The following CCDC32 variants were observed in gnomAD, a reference collection of about 807,000 sequenced individuals.
CCDC32 encodes the protein coiled-coil domain-containing protein 32.
In CCDC32, 9 loss-of-function variants were observed where a neutral mutation model predicts 20.1. The observed-to-expected ratio is 0.45, with a 90% CI of 0.27 to 0.78. The LOEUF (loss-of-function observed/expected upper bound fraction) is 0.78. Ranked by LOEUF, CCDC32 falls within the 30% of genes least tolerant of loss-of-function variation. The pLI, the probability that CCDC32 is intolerant of heterozygous loss-of-function variation, is 0.16. For synonymous variants in CCDC32, 63 were observed against 79.0 expected (o/e 0.80, Z 1.07); for missense variants, 204 against 215.5 (o/e 0.95, Z 0.33).
chr15:40,529,410 A>C (rs1028606912), intron 3 of CCDC32, among the ~76,000 whole-genome samples: 1 of 152,218 alleles, frequency 6.6e-6, no homozygotes, highest in African/African-American at 2.4e-5. Flanking sequence ...GTTTATTCTT[A>C]GGAAATGCGT....
At chr15:40,529,112 A>G (rs1490873271) in intron 3 of CCDC32, among the ~76,000 whole-genome samples, 1 of 152,218 alleles carries the variant, frequency 6.6e-6, no homozygotes, top group Non-Finnish European at 1.5e-5. Flanking sequence ...GCCGCTCTGC[A>G]GGGGTGGCTT....
At chr15:40,528,708 G>A (rs921826352) in exon 4 of CCDC32, 3 of 700,144 alleles carry the variant, frequency 4.3e-6, no homozygotes, top group Non-Finnish European at 7.8e-6. Context: ...TGCAGGCCTT[G>A]TCCACAAGCG....
At chr15:40,562,735 G>C (rs1221554939) in intron 2 of CCDC32, 37 bp downstream of exon 2, 1 of 1,580,802 alleles carries the variant, frequency 6.3e-7, no homozygotes, top group Admixed American at 1.8e-5. Flanking sequence ...TGATGTAACA[G>C]AACTTCAATA....
chr15:40,524,757 T>C (rs997498483), downstream of CCDC32, among the ~76,000 whole-genome samples: 12 of 88,802 alleles, frequency 1.4e-4, no homozygotes, highest in East Asian at 2.7e-3. Context: ...TTTTTTTTTT[T>C]TTTTTTTTTT....
chr15:40,540,724 G>T (rs1595885803), intron 3 of CCDC32, among the ~76,000 whole-genome samples: 1 of 152,098 alleles, frequency 6.6e-6, no homozygotes, highest in South Asian at 2.1e-4. Flanking sequence ...CTCTGGGGCC[G>T]GGCCAGTCTC....
At chr15:40,543,338 TG>T (rs1889480786) in intron 3 of CCDC32, among the ~76,000 whole-genome samples, 1 of 152,174 alleles carries the variant, frequency 6.6e-6, no homozygotes, top group African/African-American at 2.4e-5. Context: ...AGGGCGGGCA[TG>T]GAAACCACCA....
chr15:40,527,939 AT>A (rs1894919801), downstream of CCDC32, among the ~76,000 whole-genome samples: 1 of 152,220 alleles, frequency 6.6e-6, no homozygotes, highest in Admixed American at 6.5e-5. Flanking sequence ...AGGTATCAAG[AT>A]TGTACCCATT....
At chr15:40,560,341 T>C (rs1003713133) in intron 2 of CCDC32, among the ~76,000 whole-genome samples, 4 of 152,084 alleles carry the variant, frequency 2.6e-5, no homozygotes, top group African/African-American at 9.7e-5. Flanking sequence ...ATCCCAAAAG[T>C]AAATGCAACA....
intron 3 of CCDC32, among the ~76,000 whole-genome samples, chr15:40,546,490 CA>C (rs1595887958): frequency 6.6e-6 from 1 of 151,588 alleles, no homozygotes; most frequent in African/African-American, 2.4e-5. Context: ...CGTCCAGCCC[CA>C]TTTCACTTTC....
intron 3 of CCDC32, chr15:40,528,891 C>G: frequency 3.1e-6 from 2 of 642,770 alleles, no homozygotes; most frequent in Non-Finnish European, 5.5e-6. Context: ...AGGACAGACT[C>G]GTGTCTAACC....
chr15:40,521,070 G>A, the CCDC32 span, among the ~76,000 whole-genome samples: 4 of 151,996 alleles, frequency 2.6e-5, no homozygotes, highest in Non-Finnish European at 5.9e-5. Context: ...TGTCATCTTC[G>A]CGTCGAGTAG....
intron 3 of CCDC32, chr15:40,529,482 G>A (rs1232643781): frequency 2.0e-5 from 3 of 152,186 alleles, no homozygotes; most frequent in Admixed American, 6.5e-5. Context: ...ATGTGGTAAC[G>A]TCAGTGAATC....
Position 40,553,446 on chromosome 15 carries a change from G to C in CCDC32, c.*525C>G. 7 of 985,970 alleles carry C rather than the reference G, an allele frequency of 7.1e-6. No individual in the cohort carries two copies. The highest frequency in any genetic ancestry group is 8.4e-6 in the Non-Finnish European group (7 of 830,364). 61.1% of individuals were successfully genotyped at this position (985,970 alleles called of 1,614,324 possible). ...GAGTCCGTATACTTACTACAGATTT[G>C]TTAGAGAAGCCCCAGATGGGGCTTG... On this transcript the variant is annotated 3_prime_UTR_variant, in exon 4 of 4. Coordinates refer to ENST00000416810, the MANE Select transcript of CCDC32 (RefSeq NM_001080792.4).
At chr15:40,523,504 C>CAAAAAA in the CCDC32 span, among the ~76,000 whole-genome samples, 3 of 88,536 alleles carry the variant, frequency 3.4e-5, no homozygotes, top group Non-Finnish European at 6.3e-5. Context: ...AACTCCATCT[C>CAAAAAA]AAAAAAAAAA....
Position 40,563,128 on chromosome 15 carries a change from C to T in CCDC32, c.-12-101G>A, listed in dbSNP as rs922231909. The T allele has an allele frequency of 1.4e-5, 19 of 1,392,668 alleles. No homozygotes were observed. The Admixed American group carries it at 1.7e-4, about 13-fold the overall frequency. The allele number at this position is 1,392,668 out of a possible 1,614,324, so 86.3% of individuals were successfully genotyped here. ...CTGTAATCCCAACACTTTGGGAAGC[C>T]GAGGCAGTCAGATCATTTGAGGCCA... On this transcript the variant is annotated intron_variant, in intron 1 of 3. Coordinates refer to ENST00000416810, the MANE Select transcript of CCDC32 (RefSeq NM_001080792.4).
At chr15:40,551,809 C>CAAAAAAAAA (rs59499493), downstream of CCDC32, among the ~76,000 whole-genome samples, 8 of 96,360 alleles carry the variant, frequency 8.3e-5, no homozygotes, top group African/African-American at 3.1e-4. Context: ...GACCCTGTCT[C>CAAAAAAAAA]AAAAAAAAAA....
downstream of CCDC32, chr15:40,535,582 T>G: frequency 1.0e-6 from 1 of 984,338 alleles, no homozygotes; most frequent in Non-Finnish European, 1.2e-6. Flanking sequence ...CTTCAGGCAC[T>G]TCATGGTTCT....
At chr15:40,548,734 G>A (rs182931901), downstream of CCDC32, among the ~76,000 whole-genome samples, 731 of 152,204 alleles carry the variant, frequency 4.8e-3, 15 homozygotes, top group African/African-American at 0.017. Flanking sequence ...CAAGGAGCAT[G>A]CTGAGAGAGA....
intron 3 of CCDC32, among the ~76,000 whole-genome samples, chr15:40,542,591 G>A (rs1306316309): frequency 2.6e-5 from 4 of 152,144 alleles, no homozygotes; most frequent in Non-Finnish European, 5.9e-5. Flanking sequence ...TGCCTGGGCC[G>A]GGCGCAGTGG....
Sources: allele counts gnomAD v4.1 joint callset (sites outside exome capture counted in the v4.1 genomes callset), GRCh38; gene constraint gnomAD v4.1.1; transcripts MANE v1.5; gene names NCBI Gene and HGNC (gene_info 2026-07-23, HGNC 2026-07-21).